Variants in ANKRD30A observed in about 807,000 individuals in gnomAD.
The protein encoded by ANKRD30A is ankyrin repeat domain-containing protein 30A.
Under a neutral mutation model 166.3 loss-of-function variants are expected in ANKRD30A, and 170 were observed. The observed-to-expected ratio is 1.02, with a 90% CI of 0.90 to 1.16. The LOEUF is 1.16. Among genes scored for constraint, ANKRD30A ranks in the 50% most tolerant of loss-of-function variants. ANKRD30A has a pLI of 0.00. For missense variants in ANKRD30A, 1,630 were observed against 1,518.0 expected (o/e 1.07, Z -1.23); for synonymous variants, 564 against 508.9 (o/e 1.11, Z -1.46).
At chr10:37,226,629 T>A (rs1843167372) in intron 34 of ANKRD30A, among the ~76,000 whole-genome samples, 1 of 151,932 alleles carries the variant, frequency 6.6e-6, no homozygotes, top group African/African-American at 2.4e-5. Flanking sequence ...CATTTTGGGC[T>A]AATATTAATA....
rs1228746635 is a variant in ANKRD30A, at chr10:37,231,376, G to C, written c.4186-85G>C. 4.4e-6 allele frequency: 5 copies of C among 1,126,804 alleles called. No homozygotes were observed. In the Admixed American group the frequency reaches 1.2e-4, roughly 26 times the overall value. The allele number at this position is 1,126,804 out of a possible 1,614,324, so 69.8% of individuals were successfully genotyped here. On this transcript the variant is annotated intron_variant, in intron 34 of 35. Transcript: ENST00000361713. ...GGAAATGTTATTTATTCTTATAGAA[G>C]GGTTTTCTTTTTAAATACAAGTCCT...
chr10:37,200,965 T>G (rs1001232886), intron 30 of ANKRD30A, among the ~76,000 whole-genome samples: 5 of 152,094 alleles, frequency 3.3e-5, no homozygotes. Flanking sequence ...TTTTGAAATA[T>G]GCACGATTGA....
At chr10:37,195,522 A>G (rs1053526076) in intron 27 of ANKRD30A, among the ~76,000 whole-genome samples, 1 of 152,210 alleles carries the variant, frequency 6.6e-6, no homozygotes, top group Non-Finnish European at 1.5e-5. Flanking sequence ...CAGCAGTTTT[A>G]TATTTAAAGT....
Position 37,201,569 on chromosome 10 carries a change from A to T in ANKRD30A, c.2869+244A>T, listed in dbSNP as rs1249618899. Among the ~76,000 whole-genome samples the T allele has an allele frequency of 3.9e-5, 6 of 152,120 alleles. No individual in the cohort carries two copies. In the East Asian group the frequency reaches 1.2e-3, roughly 29 times the overall value. On this transcript the variant is annotated intron_variant, in intron 31 of 35. Coordinates refer to ENST00000361713, the MANE Select transcript of ANKRD30A (RefSeq NM_052997.3). ...GATATTCCAAGACCTGAGGACAATG[A>T]GAAAATAAGAAAGAAGAAAGTAGTA...
At chr10:37,131,696 T>C (rs1836389293) in intron 3 of ANKRD30A, among the ~76,000 whole-genome samples, 1 of 152,174 alleles carries the variant, frequency 6.6e-6, no homozygotes, top group Non-Finnish European at 1.5e-5. Context: ...CAAATGTTAA[T>C]GTCTGCTGCA....
intron 18 of ANKRD30A, among the ~76,000 whole-genome samples, chr10:37,165,457 T>C (rs1225502849): frequency 6.6e-6 from 1 of 152,230 alleles, no homozygotes; most frequent in Non-Finnish European, 1.5e-5. Context: ...GCAAAAGAAT[T>C]ACACTGAGTC....
At chr10:37,244,756 A>C in the ANKRD30A span, among the ~76,000 whole-genome samples, 3 of 152,194 alleles carry the variant, frequency 2.0e-5, no homozygotes, top group African/African-American at 7.2e-5. Context: ...CCATCTCTGC[A>C]TGGATGCCTC....
intron 34 of ANKRD30A, among the ~76,000 whole-genome samples, chr10:37,230,404 A>G (rs1843366945): frequency 6.6e-6 from 1 of 152,050 alleles, no homozygotes; most frequent in Admixed American, 6.6e-5. Flanking sequence ...GTGTTTGTCC[A>G]GGAGAGTTTA....
chr10:37,203,841 A>G (rs1009340461), intron 31 of ANKRD30A, among the ~76,000 whole-genome samples: 3 of 152,212 alleles, frequency 2.0e-5, no homozygotes, highest in African/African-American at 4.8e-5. Flanking sequence ...TTATACACCA[A>G]TAACAGACAA....
intron 7 of ANKRD30A, among the ~76,000 whole-genome samples, chr10:37,143,371 G>A (rs1314710890): frequency 6.6e-6 from 1 of 151,780 alleles, no homozygotes; most frequent in Non-Finnish European, 1.5e-5. Flanking sequence ...GAATATGTTA[G>A]GCCGCTGGGC....
At chr10:37,190,775 C>T (rs2132654087) in intron 25 of ANKRD30A, among the ~76,000 whole-genome samples, 1 of 151,810 alleles carries the variant, frequency 6.6e-6, no homozygotes, top group Admixed American at 6.6e-5. Flanking sequence ...GACTAAACCT[C>T]AGTGACTCAT....
chr10:37,238,202 A>C, the ANKRD30A span, among the ~76,000 whole-genome samples: 17 of 152,258 alleles, frequency 1.1e-4, 2 homozygotes, highest in South Asian at 3.5e-3. Context: ...TCTCAAAGGA[A>C]GTTACCCTCA....
intron 27 of ANKRD30A, among the ~76,000 whole-genome samples, chr10:37,195,101 C>CA (rs1444360324): frequency 6.6e-6 from 1 of 151,910 alleles, no homozygotes; most frequent in Non-Finnish European, 1.5e-5. Flanking sequence ...ATTAGGCCCC[C>CA]GGTGTATTTG....
intron 24 of ANKRD30A, among the ~76,000 whole-genome samples, chr10:37,183,927 T>A (rs1407406920): frequency 6.7e-6 from 1 of 149,972 alleles, no homozygotes; most frequent in Non-Finnish European, 1.5e-5. Context: ...GACTGGCAGA[T>A]CACGAGGTTA....
chr10:37,229,537 A>C (rs982601847), intron 34 of ANKRD30A, among the ~76,000 whole-genome samples: 3 of 151,970 alleles, frequency 2.0e-5, no homozygotes, highest in African/African-American at 7.2e-5. Context: ...TTTTGGAAGC[A>C]TATCATAAAT....
chr10:37,197,543 TTCTA>T (rs1841238468), intron 29 of ANKRD30A, 63 bp downstream of exon 29: 3 of 1,608,112 alleles, frequency 1.9e-6, no homozygotes, highest in Middle Eastern at 4.5e-4. Context: ...TTGATGGTCT[TTCTA>T]TCCCCAATGC....
intron 7 of ANKRD30A, among the ~76,000 whole-genome samples, chr10:37,142,570 CTTTTTTTTTTTTTTTTT>C (rs869026268): frequency 1.3e-5 from 1 of 78,982 alleles, no homozygotes; most frequent in African/African-American, 5.7e-5. Context: ...TAGGATCACA[CTTTTTTTTTTTTTTTTT>C]TTTTTTTTTT....
At chr10:37,200,821 A>T (rs191304721) in intron 30 of ANKRD30A, among the ~76,000 whole-genome samples, 7 of 152,114 alleles carry the variant, frequency 4.6e-5, no homozygotes, top group Non-Finnish European at 5.9e-5. Flanking sequence ...AGACAATTGT[A>T]TGATCATGCA....
chr10:37,208,603 G>T (rs1842115241), intron 31 of ANKRD30A, among the ~76,000 whole-genome samples: 1 of 152,042 alleles, frequency 6.6e-6, no homozygotes, highest in Non-Finnish European at 1.5e-5. Context: ...CAAATTGAGG[G>T]CCTTCTCACC....
Sources: gnomAD v4.1 joint callset for allele counts (sites outside exome capture counted in the v4.1 genomes callset) on GRCh38, gnomAD v4.1.1 for gene constraint, MANE v1.5 for transcripts, NCBI Gene and HGNC (gene_info 2026-07-23, HGNC 2026-07-21) for gene names.